Variants in PTPN12 observed in about 807,000 individuals in gnomAD.
PTPN12 encodes the protein tyrosine-protein phosphatase non-receptor type 12.
In PTPN12, 29 loss-of-function variants were observed where a neutral mutation model predicts 97.6. The observed-to-expected ratio is 0.30, with a 90% CI of 0.22 to 0.41. The LOEUF (loss-of-function observed/expected upper bound fraction) is 0.41, where lower values mean the gene tolerates loss of function less well. Ranked by LOEUF, PTPN12 falls within the 10% of genes least tolerant of loss-of-function variation. The probability of loss-of-function intolerance (pLI) is 1.00; values close to 1 mark genes in which losing one functional copy is unlikely to be tolerated. For missense variants in PTPN12, 819 were observed against 926.0 expected, an observed-to-expected ratio of 0.88 and a Z score of 1.50; for synonymous variants, 327 against 300.4, an observed-to-expected ratio of 1.09 and a Z score of -0.91.
rs1788880085 is a variant in PTPN12 at position 77,620,045 on chromosome 7, C to G, written c.1025+1480C>G. 2.0e-5 allele frequency among the ~76,000 whole-genome samples: 3 copies of G among 152,058 alleles called. 1 individual carries two copies. In the South Asian group the frequency reaches 6.2e-4, roughly 32 times the overall value. On this transcript the variant is annotated intron_variant, in intron 12 of 17. Coordinates refer to ENST00000248594, the MANE Select transcript of PTPN12 (RefSeq NM_002835.4). ...AACTTCTCTGTTCCATATAGGAGCC[C>G]TAGAATCCTAAAAGAAACTACTGGC...
chr7:77,616,623 G>T (rs1287098945), intron 11 of PTPN12, among the ~76,000 whole-genome samples: 3 of 152,096 alleles, frequency 2.0e-5, no homozygotes, highest in East Asian at 3.8e-4. Flanking sequence ...ATGCTGTTTT[G>T]TATGTTAGAA....
At chr7:77,631,394 A>G (rs146280310) in intron 13 of PTPN12, among the ~76,000 whole-genome samples, 1 of 152,346 alleles carries the variant, frequency 6.6e-6, no homozygotes, top group Admixed American at 6.5e-5. Flanking sequence ...AGGTGTGGTA[A>G]AATAGCAGAG....
At chr7:77,594,816 A>G (rs1212814573) in intron 6 of PTPN12, among the ~76,000 whole-genome samples, 1 of 152,212 alleles carries the variant, frequency 6.6e-6, no homozygotes, top group Non-Finnish European at 1.5e-5. Flanking sequence ...GTAAATTTAG[A>G]TGTAATAAGA....
rs1218191468 is a variant in PTPN12, at chr7:77,625,468, G to GCGCTCTCTCTCTCTCTCTCT, written c.1026-1236_1026-1235insGCTCTCTCTCTCTCTCTCTC. Among the ~76,000 whole-genome samples, 9 of 24,756 alleles carry GCGCTCTCTCTCTCTCTCTCT rather than the reference G, an allele frequency of 3.6e-4. 1 individual carries two copies. The highest frequency in any genetic ancestry group is 6.2e-4 in the Admixed American group (1 of 1,616). The allele number at this position is 24,756 out of a possible 152,430, so 16.2% of individuals were successfully genotyped here. A position where few individuals can be genotyped will look rare whatever the true frequency, so the allele number is the denominator to read the frequency against. ...AGGGTTTTGCCATATTGCCCAGGCTGCTCGCTCTCTCTCTCTCTCTCTCTC... is the reference window on the plus strand; with the variant it reads ...AGGGTTTTGCCATATTGCCCAGGCTGCGCTCTCTCTCTCTCTCTCTCTCGCTCTCTCTCTCTCTCTCTCTC... On this transcript the variant is annotated intron_variant, in intron 12 of 17. Transcript: ENST00000248594.
chr7:77,587,538 AC>A (rs1787731210), intron 5 of PTPN12, among the ~76,000 whole-genome samples: 1 of 152,252 alleles, frequency 6.6e-6, no homozygotes, highest in Admixed American at 6.5e-5. Flanking sequence ...TAGAGGACAG[AC>A]AGAGTACATT....
rs757120935 is a variant in PTPN12 at position 77,627,429 on chromosome 7, CATG to C, written c.1753_1755del (p.Asp585del). 3.1e-6 allele frequency: 5 copies of C among 1,614,110 alleles called. No homozygotes were observed. In the South Asian group the frequency reaches 5.5e-5, roughly 18 times the overall value. ...AGTTGAAACACCTGATCTTGTGGATCATGATAACACTTCACCACTCTTCAGAAC... is the reference window on the plus strand; with the variant it reads ...AGTTGAAACACCTGATCTTGTGGATCATAACACTTCACCACTCTTCAGAAC... On this transcript the variant is annotated inframe_deletion, in exon 13 of 18. Transcript: ENST00000248594.
chr7:77,571,117 A>T lies in PTPN12; in HGVS notation c.139A>T (p.Ile47Leu), dbSNP rs749249029. 3.1e-6 allele frequency: 5 copies of T among 1,602,562 alleles called. No individual in the cohort carries two copies. Among genetic ancestry groups the T allele is most frequent in the Non-Finnish European group, 3.4e-6 (4 of 1,174,052 alleles). ...GTCTACCAAATATAGAACAGAAAAG[A>T]TATATCCCACAGCCACTGGAGAAAA... is the stretch of plus-strand genomic sequence containing the variant. ...RLSTKYRTEK[I>L]YPTATGEKEE... The change falls in exon 2 of 18, where the codon ATA (isoleucine) becomes TTA (leucine). Residue 47 changes from isoleucine to leucine, a missense_variant. Transcript: ENST00000248594.
rs942583539 is a variant in PTPN12, at chr7:77,592,264, T to A, written c.492+8T>A. On this transcript the variant is annotated splice_region_variant and intron_variant, in intron 6 of 17. Coordinates refer to ENST00000248594, the MANE Select transcript of PTPN12 (RefSeq NM_002835.4). ...CCATTTAAAATTTCTTGTGTAAGTATCCATTTTTGTAAACACTTTTTTCAG... is the reference window on the plus strand; with the variant it reads ...CCATTTAAAATTTCTTGTGTAAGTAACCATTTTTGTAAACACTTTTTTCAG... 6.3e-6 allele frequency: 10 copies of A among 1,599,856 alleles called. No individual in the cohort carries two copies. Among genetic ancestry groups the A allele is most frequent in the East Asian group, 4.5e-5 (2 of 44,692 alleles).
At chr7:77,562,037 G>A (rs1234687970) in intron 1 of PTPN12, among the ~76,000 whole-genome samples, 1 of 149,810 alleles carries the variant, frequency 6.7e-6, no homozygotes, top group African/African-American at 2.5e-5. Flanking sequence ...TGATCTGCCC[G>A]CCTCGGCCTA....
At chr7:77,596,000 A>T (rs997771425) in intron 6 of PTPN12, among the ~76,000 whole-genome samples, 1 of 152,146 alleles carries the variant, frequency 6.6e-6, no homozygotes, top group Admixed American at 6.6e-5. Flanking sequence ...CTATCCAGTT[A>T]ATTGAAACTT....
At chr7:77,607,775 T>C in intron 9 of PTPN12, among the ~76,000 whole-genome samples, 1 of 151,364 alleles carries the variant, frequency 6.6e-6, no homozygotes, top group South Asian at 2.1e-4. Context: ...TTTTCCGAGA[T>C]AGAGTTTCAC....
At chr7:77,540,387 G>A (rs982488041) in intron 1 of PTPN12, among the ~76,000 whole-genome samples, 4 of 151,886 alleles carry the variant, frequency 2.6e-5, no homozygotes, top group Non-Finnish European at 5.9e-5. Flanking sequence ...ACAGGCGCAT[G>A]CCACCACGCC....
chr7:77,573,769 C>T (rs1310247515), intron 2 of PTPN12, among the ~76,000 whole-genome samples: 1 of 152,118 alleles, frequency 6.6e-6, no homozygotes, highest in Admixed American at 6.6e-5. Context: ...TCATTTTCTT[C>T]TTTGTTTTTG....
chr7:77,636,831 C>T, intron 15 of PTPN12, 187 bp from the exon 16 acceptor site: 1 of 475,270 alleles, frequency 2.1e-6, no homozygotes. Context: ...AACATTTACT[C>T]CAAGGAGAAA....
In PTPN12 at chr7:77,623,735, A is replaced by C. The variant is rs1202101829; in HGVS notation, c.1026-2970A>C. ...TCTCAATAAAAAATATGTAAATAAA[A>C]TACTGATTATGGAAAAGTGGTCTCA... On this transcript the variant is annotated intron_variant, in intron 12 of 17. Transcript: ENST00000248594. 3.3e-5 allele frequency among the ~76,000 whole-genome samples: 5 copies of C among 152,184 alleles called. No individual in the cohort carries two copies. In the East Asian group the frequency reaches 9.6e-4, roughly 29 times the overall value.
chr7:77,578,683 G>A (rs532484601), intron 2 of PTPN12, among the ~76,000 whole-genome samples: 7 of 152,070 alleles, frequency 4.6e-5, no homozygotes, highest in East Asian at 1.9e-4. Context: ...TAACATTTCC[G>A]TATTTCCTTT....
intron 5 of PTPN12, among the ~76,000 whole-genome samples, chr7:77,591,350 C>T (rs1055037339): frequency 6.6e-6 from 1 of 152,208 alleles, no homozygotes; most frequent in Non-Finnish European, 1.5e-5. Context: ...GGCCTTGATA[C>T]AAATTGCATC....
chr7:77,632,217 CTTGCATTTTT>C, intron 13 of PTPN12, 121 bp from the exon 14 acceptor site: 1 of 680,268 alleles, frequency 1.5e-6, no homozygotes, highest in South Asian at 1.7e-5. Context: ...GAAAAGGTTT[CTTGCATTTTT>C]TTGCATTTTT....
intron 2 of PTPN12, among the ~76,000 whole-genome samples, chr7:77,579,656 A>G (rs1787450372): frequency 6.6e-6 from 1 of 152,222 alleles, no homozygotes; most frequent in Non-Finnish European, 1.5e-5. Flanking sequence ...AGTTCTAAAT[A>G]AAAAGTTTTA....
Sources: allele counts gnomAD v4.1 joint callset (sites outside exome capture counted in the v4.1 genomes callset), GRCh38; gene constraint gnomAD v4.1.1; transcripts MANE v1.5; gene names NCBI Gene and HGNC (gene_info 2026-07-23, HGNC 2026-07-21).